CDK5RAP3: variants seen among roughly 807,000 people sequenced by gnomAD.
CDK5RAP3 encodes CDK5 regulatory subunit associated protein 3.
Under a neutral mutation model 73.3 loss-of-function variants are expected in CDK5RAP3, and 58 were observed. That is an observed-to-expected ratio of 0.79 (90% CI 0.64 to 0.98). The LOEUF is 0.98. CDK5RAP3 is among the 50% of genes least tolerant of loss of function. CDK5RAP3 has a pLI of 0.00. For missense variants in CDK5RAP3, 525 were observed against 615.8 expected (o/e 0.85, Z 1.56); for synonymous variants, 224 against 247.5 (o/e 0.91, Z 0.89).
At chr17:47,969,691 C>T (rs190694114), upstream of CDK5RAP3, among the ~76,000 whole-genome samples, 83 of 152,162 alleles carry the variant, frequency 5.5e-4, no homozygotes, top group African/African-American at 1.8e-3. Context: ...CCCTTAGCTT[C>T]AGCCACCACT....
At chr17:47,980,475 C>T in intron 11 of CDK5RAP3, 118 bp from the exon 12 acceptor site, 2 of 851,638 alleles carry the variant, frequency 2.3e-6, no homozygotes, top group Admixed American at 1.8e-5. Flanking sequence ...CATCGTTTCC[C>T]AGGCTGGTCT....
intron 10 of CDK5RAP3, chr17:47,978,540 C>T (rs1330940013): frequency 5.3e-5 from 21 of 396,136 alleles, no homozygotes; most frequent in South Asian, 2.0e-4. Context: ...CACTAGAGGG[C>T]GGTGCAGGAT....
At chr17:47,974,116 C>T in intron 4 of CDK5RAP3, 85 bp downstream of exon 4, 1 of 911,996 alleles carries the variant, frequency 1.1e-6, no homozygotes, top group East Asian at 2.4e-5. Flanking sequence ...TCTGAGGCTC[C>T]AGTGGGGATG....
chr17:47,980,516 C>T, intron 11 of CDK5RAP3, 77 bp from the exon 12 acceptor site: 1 of 1,341,424 alleles, frequency 7.5e-7, no homozygotes, highest in Non-Finnish European at 1.1e-6. Context: ...ATCCTCCTGC[C>T]TTGGCCTCCC....
At chr17:47,973,378 ATTCCCATC>A (rs2036313216) in intron 2 of CDK5RAP3, 133 bp from the exon 3 acceptor site, 1 of 901,852 alleles carries the variant, frequency 1.1e-6, no homozygotes, top group African/African-American at 1.7e-5. Context: ...GCTTGTCTTT[ATTCCCATC>A]TTCCCATGAC....
chr17:47,977,667 G>A (rs1360270426), intron 9 of CDK5RAP3, among the ~76,000 whole-genome samples, 165 bp from the exon 10 acceptor site: 1 of 152,212 alleles, frequency 6.6e-6, no homozygotes, highest in Non-Finnish European at 1.5e-5. Context: ...ACAGAGCAGG[G>A]ATGATGGGCC....
chr17:47,980,451 T>G, intron 11 of CDK5RAP3, 142 bp from the exon 12 acceptor site: 1 of 734,528 alleles, frequency 1.4e-6, no homozygotes, highest in Non-Finnish European at 2.4e-6. Flanking sequence ...AACATTTCTG[T>G]AGAGACAGGG....
chr17:47,973,684 CTT>C (rs776163203), intron 3 of CDK5RAP3, 34 bp downstream of exon 3: 15 of 1,611,010 alleles, frequency 9.3e-6, no homozygotes, highest in African/African-American at 1.3e-5. Flanking sequence ...GGAGTCCCCT[CTT>C]TGCTGAGGTA....
chr17:47,975,085 G>T, intron 5 of CDK5RAP3, 74 bp from the exon 6 acceptor site: 1 of 1,613,078 alleles, frequency 6.2e-7, no homozygotes, highest in Non-Finnish European at 8.5e-7. Context: ...CACCACAAAG[G>T]ATGTGTGTGC....
At chr17:47,980,897 C>T (rs2036537471) in intron 12 of CDK5RAP3, 99 bp downstream of exon 12, 4 of 1,278,928 alleles carry the variant, frequency 3.1e-6, no homozygotes, top group South Asian at 1.3e-5. Flanking sequence ...CCATCCCTGC[C>T]TCCTGGCCAT....
At chr17:47,970,702 A>T, upstream of CDK5RAP3, 1 of 1,535,690 alleles carries the variant, frequency 6.5e-7, no homozygotes, top group Admixed American at 2.0e-5. Context: ...TGGATGGTAA[A>T]GCGACGCAAG....
At chr17:47,970,872 G>A, upstream of CDK5RAP3, 6 of 1,419,916 alleles carry the variant, frequency 4.2e-6, no homozygotes, top group Non-Finnish European at 5.6e-6. Flanking sequence ...CCGCTGCAGC[G>A]CACCCCCTCC....
upstream of CDK5RAP3, chr17:47,970,504 C>G (rs1049955074): frequency 1.5e-6 from 1 of 677,364 alleles, no homozygotes; most frequent in Non-Finnish European, 2.6e-6. Flanking sequence ...CCCACATCAC[C>G]CAGCTATCTT....
At chr17:47,979,018 G>C (rs1036254076) in intron 11 of CDK5RAP3, 101 bp downstream of exon 11, 2 of 845,970 alleles carry the variant, frequency 2.4e-6, no homozygotes, top group Non-Finnish European at 4.1e-6. Context: ...TGTGAAGGGT[G>C]TGAGTGCTAT....
rs771052060 is a variant in CDK5RAP3, at chr17:47,978,908, G to A, written c.1068G>A (p.Glu356=). The change falls in exon 11 of 14, where the codon GAG becomes GAA. Residue 356 remains glutamate (E), a synonymous_variant. Transcript: ENST00000338399. The part of the protein sequence containing the change: ...YTETRNQFLD[E]LMELEIFLAQ... Reference sequence around the variant, plus strand: ...AGACCCGGAATCAGTTCCTTGATGAGCTCATGGAGGTACTGTCATCTCTGG... The same window carrying A: ...AGACCCGGAATCAGTTCCTTGATGAACTCATGGAGGTACTGTCATCTCTGG... 13 of 1,613,286 alleles carry A rather than the reference G, an allele frequency of 8.1e-6. No individual in the cohort carries two copies. In the Middle Eastern group the frequency reaches 1.3e-3, roughly 164 times the overall value.
rs775602161 is a variant in CDK5RAP3 at position 47,973,923 on chromosome 17, C to A, written c.185-8C>A. ...TTAGTTCTCGAAATCCCGTCTCTTG[C>A]TTTCTAGACATTCACTACTTTCACT... On this transcript the variant is annotated splice_polypyrimidine_tract_variant and splice_region_variant and intron_variant, in intron 3 of 13. Transcript: ENST00000338399. 1.9e-6 allele frequency: 3 copies of A among 1,604,658 alleles called. No homozygotes were observed. In the South Asian group the frequency reaches 3.3e-5, roughly 18 times the overall value.
intron 4 of CDK5RAP3, 132 bp downstream of exon 4, chr17:47,974,163 C>G: frequency 2.7e-6 from 2 of 734,814 alleles, no homozygotes; most frequent in Non-Finnish European, 2.3e-6. Flanking sequence ...CACTCTGTCT[C>G]TATAGTTTAC....
At chr17:47,975,817 T>C in intron 7 of CDK5RAP3, 52 bp from the exon 8 acceptor site, 2 of 1,611,754 alleles carry the variant, frequency 1.2e-6, no homozygotes, top group Non-Finnish European at 1.7e-6. Context: ...CAAAGCCCAG[T>C]GTTGGCCTTA....
intron 2 of CDK5RAP3, among the ~76,000 whole-genome samples, chr17:47,972,368 C>T (rs979701847): frequency 3.3e-5 from 5 of 152,186 alleles, no homozygotes; most frequent in African/African-American, 7.2e-5. Context: ...TACCCCAGTC[C>T]GTTGCTTCTA....
Sources: allele counts gnomAD v4.1 joint callset (sites outside exome capture counted in the v4.1 genomes callset), GRCh38; gene constraint gnomAD v4.1.1; transcripts MANE v1.5; gene names NCBI Gene and HGNC (gene_info 2026-07-23, HGNC 2026-07-21).